The following NBAS variants were observed in gnomAD, a reference collection of about 807,000 sequenced individuals.
NBAS encodes the protein NAG/BC035112 fusion.
Under a neutral mutation model 302.5 loss-of-function variants are expected in NBAS, and 219 were observed. The observed-to-expected ratio is 0.72, with a 90% CI of 0.65 to 0.81. The LOEUF is 0.81. Ranked by LOEUF, NBAS falls within the 30% of genes least tolerant of loss-of-function variation. The pLI is 0.00. For synonymous variants in NBAS, 1,118 were observed against 1,021.6 expected (o/e 1.09, Z -1.80); for missense variants, 2,932 against 2,841.6 (o/e 1.03, Z -0.72).
Position 15,368,003 on chromosome 2 carries a change from C to G in NBAS, c.3704-1310G>C, listed in dbSNP as rs116387783. ...GTATATACACACACAAATACTTATA[C>G]ATGTACAAATACATACACATATTTA... On this transcript the variant is annotated intron_variant, in intron 31 of 51. Transcript: ENST00000281513. Among the ~76,000 whole-genome samples the G allele has an allele frequency of 3.2e-3, 486 of 152,202 alleles. 4 individuals carry two copies. Among genetic ancestry groups the G allele is most frequent in the African/African-American group, 0.011 (461 of 41,524 alleles).
chr2:15,304,546 AC>A (rs1161409347), intron 40 of NBAS, among the ~76,000 whole-genome samples: 2 of 152,250 alleles, frequency 1.3e-5, no homozygotes, highest in African/African-American at 4.8e-5. Flanking sequence ...TCAGAAGAAG[AC>A]AGAAAGATGT....
chr2:15,402,320 G>A lies in NBAS; in HGVS notation c.2938-19C>T. On this transcript the variant is annotated intron_variant, in intron 25 of 51. Coordinates refer to ENST00000281513, the MANE Select transcript of NBAS (RefSeq NM_015909.4). ...GCTGCAGCTACAGAAAATAAAGTAT[G>A]TTGTACTAAATGTCAACAGATTTAT... is the stretch of plus-strand genomic sequence containing the variant. 1.2e-6 allele frequency: 2 copies of A among 1,612,656 alleles called. No homozygotes were observed. Among genetic ancestry groups the A allele is most frequent in the Non-Finnish European group, 1.7e-6 (2 of 1,179,128 alleles).
chr2:15,131,389 GA>G, the NBAS span, among the ~76,000 whole-genome samples: 1 of 152,116 alleles, frequency 6.6e-6, no homozygotes, highest in Non-Finnish European at 1.5e-5. Flanking sequence ...GGTGCATTTA[GA>G]ACTGAATTTG....
rs910836090 is a variant in NBAS at position 15,440,190 on chromosome 2, G to C, written c.2340-12396C>G. On this transcript the variant is annotated intron_variant, in intron 21 of 51. Transcript: ENST00000281513. The stretch of plus-strand genomic sequence containing the variant: ...AGCACCCAACTGGAGATCTGAGAAC[G>C]GGCAGACTGCCTCCTCAAGTGGGTC... Among the ~76,000 whole-genome samples, 9 of 152,184 alleles carry C rather than the reference G, an allele frequency of 5.9e-5. No homozygotes were observed. The South Asian group carries it at 6.2e-4, about 10-fold the overall frequency.
At chr2:15,204,033 A>G (rs1666022136) in intron 48 of NBAS, among the ~76,000 whole-genome samples, 1 of 152,150 alleles carries the variant, frequency 6.6e-6, no homozygotes, top group Non-Finnish European at 1.5e-5. Flanking sequence ...AGGTTGGGGC[A>G]GCAGGACTGC....
chr2:14,982,237 C>T, the NBAS span, among the ~76,000 whole-genome samples: 21 of 152,236 alleles, frequency 1.4e-4, no homozygotes, highest in East Asian at 3.1e-3. Context: ...GTGAGGGAGC[C>T]GCCATCACTG....
At position 15,258,875 on chromosome 2, in the gene NBAS, G is replaced by A. The variant is rs191665502; in HGVS notation, c.5724+16609C>T. 5.2e-3 allele frequency among the ~76,000 whole-genome samples: 788 copies of A among 152,106 alleles called. 3 individuals are homozygous for A. The highest frequency in any genetic ancestry group is 0.016 in the African/African-American group (665 of 41,492). The stretch of plus-strand genomic sequence containing the variant: ...GACCTACTCCCTGTTCATACAACCC[G>A]TCCCCTTTTGAAGTCCTTAATAAAA... On this transcript the variant is annotated intron_variant, in intron 44 of 51. Coordinates refer to ENST00000281513, the MANE Select transcript of NBAS (RefSeq NM_015909.4).
At chr2:15,508,981 A>G (rs531622610) in intron 10 of NBAS, among the ~76,000 whole-genome samples, 2 of 152,286 alleles carry the variant, frequency 1.3e-5, no homozygotes, top group African/African-American at 4.8e-5. Context: ...TGCTTACTTT[A>G]GACAGAGCTA....
chr2:14,842,872 A>G, the NBAS span, among the ~76,000 whole-genome samples: 1 of 151,658 alleles, frequency 6.6e-6, no homozygotes, highest in Admixed American at 6.6e-5. Flanking sequence ...AAACATATAC[A>G]GCAATATTGC....
At chr2:14,882,750 T>C in the NBAS span, among the ~76,000 whole-genome samples, 1 of 152,230 alleles carries the variant, frequency 6.6e-6, no homozygotes, top group Non-Finnish European at 1.5e-5. Context: ...CAGAAGTTGA[T>C]GGGAAAGAGT....
chr2:15,066,872 A>G, the NBAS span, among the ~76,000 whole-genome samples: 1 of 152,192 alleles, frequency 6.6e-6, no homozygotes, highest in Non-Finnish European at 1.5e-5. Flanking sequence ...CAAAGGAAAT[A>G]AAATCAGAAT....
At chr2:15,142,461 C>T in the NBAS span, among the ~76,000 whole-genome samples, 1 of 152,328 alleles carries the variant, frequency 6.6e-6, no homozygotes, top group Admixed American at 6.5e-5. Context: ...GCTGCTACTG[C>T]CACAAAGGGA....
At chr2:15,320,501 A>G (rs1671748356) in intron 38 of NBAS, among the ~76,000 whole-genome samples, 1 of 152,172 alleles carries the variant, frequency 6.6e-6, no homozygotes, top group Non-Finnish European at 1.5e-5. Flanking sequence ...AGAAAACCCA[A>G]TCATCTCAGC....
the NBAS span, among the ~76,000 whole-genome samples, chr2:14,892,417 A>G: frequency 0.038 from 5,796 of 152,318 alleles, 142 homozygotes; most frequent in Non-Finnish European, 0.051. Context: ...GGCGACATAG[A>G]TCAAGACCAC....
the NBAS span, among the ~76,000 whole-genome samples, chr2:15,001,264 G>T: frequency 4.5e-3 from 683 of 152,018 alleles, 8 homozygotes; most frequent in African/African-American, 0.016. Flanking sequence ...GAGAGAGAGA[G>T]ATATGTTATA....
At chr2:15,234,500 A>G (rs762399064) in intron 46 of NBAS, 45 bp downstream of exon 46, 61 of 1,591,326 alleles carry the variant, frequency 3.8e-5, no homozygotes, top group Non-Finnish European at 9.4e-6. Context: ...CATCACTGAC[A>G]AAGTGTCACC....
At chr2:14,981,755 A>G in the NBAS span, among the ~76,000 whole-genome samples, 2 of 152,342 alleles carry the variant, frequency 1.3e-5, no homozygotes, top group Non-Finnish European at 2.9e-5. Flanking sequence ...GAGAACTCCA[A>G]TGCTCTAGGG....
the NBAS span, among the ~76,000 whole-genome samples, chr2:15,015,890 C>CA: frequency 1.1e-4 from 17 of 150,562 alleles, no homozygotes; most frequent in South Asian, 3.0e-3. Context: ...AAGACTCTAC[C>CA]AAAAAAAAAC....
chr2:15,508,644 T>TGTGC (rs1661987226), intron 10 of NBAS, among the ~76,000 whole-genome samples: 1 of 152,018 alleles, frequency 6.6e-6, no homozygotes, highest in Non-Finnish European at 1.5e-5. Flanking sequence ...TATCTCTATG[T>TGTGC]GTGTGTCTAT....
Sources: gnomAD v4.1 joint callset for allele counts (sites outside exome capture counted in the v4.1 genomes callset) on GRCh38, gnomAD v4.1.1 for gene constraint, MANE v1.5 for transcripts, NCBI Gene and HGNC (gene_info 2026-07-23, HGNC 2026-07-21) for gene names.